The following SPAG9 variants were observed in gnomAD, a reference collection of about 807,000 sequenced individuals.
The protein encoded by SPAG9 is C-Jun-amino-terminal kinase-interacting protein 4.
A neutral mutation model predicts 166.5 loss-of-function variants in SPAG9; 35 were observed. That is an observed-to-expected ratio of 0.21 (90% CI 0.16 to 0.28). The LOEUF (loss-of-function observed/expected upper bound fraction) is 0.28. Among genes scored for constraint, SPAG9 ranks in the 10% least tolerant of loss-of-function variants. The probability of loss-of-function intolerance (pLI) is 1.00; values close to 1 mark genes in which losing one functional copy is unlikely to be tolerated. For missense variants in SPAG9, 1,235 were observed against 1,603.3 expected (o/e 0.77, Z 3.92); for synonymous variants, 534 against 565.5 (o/e 0.94, Z 0.79).
rs1299250539 is a variant in SPAG9, at chr17:50,963,574, G to C, written c.*2698C>G. 6.6e-6 allele frequency: 1 copy of C among 152,116 alleles called. No individual in the cohort carries two copies. The highest frequency in any genetic ancestry group is 1.5e-5 in the Non-Finnish European group (1 of 68,026). The allele number at this position is 152,116 out of a possible 1,614,324, so 9.4% of individuals were successfully genotyped here. On this transcript the variant is annotated 3_prime_UTR_variant, in exon 30 of 30. Transcript: ENST00000262013. ...ACAACTACACACCTATATTACTTAA[G>C]TTAAAGCCAGTAAGTTCAAAAAAAG... is the stretch of plus-strand genomic sequence containing the variant.
At chr17:51,053,785 C>A (rs1410045581) in intron 3 of SPAG9, among the ~76,000 whole-genome samples, 6 of 139,950 alleles carry the variant, frequency 4.3e-5, no homozygotes, top group African/African-American at 1.6e-4. Context: ...CTGCAGTGCG[C>A]TATGACTGCG....
rs917474545 is a variant in SPAG9 at position 50,965,880 on chromosome 17, G to A, written c.*392C>T. Reference sequence around the variant, plus strand: ...GGAAAACTCAGCTATTGTATTTAACGGTACAGTTTCATTTATCAAGTGTTT... The same window carrying A: ...GGAAAACTCAGCTATTGTATTTAACAGTACAGTTTCATTTATCAAGTGTTT... On this transcript the variant is annotated 3_prime_UTR_variant, in exon 30 of 30. Transcript: ENST00000262013. 4.0e-5 allele frequency: 7 copies of A among 175,590 alleles called. No individual in the cohort carries two copies. The highest frequency in any genetic ancestry group is 1.4e-4 in the South Asian group (1 of 7,174). 10.9% of individuals were successfully genotyped at this position (175,590 alleles called of 1,614,324 possible). A position where few individuals can be genotyped will look rare whatever the true frequency, so the allele number is the denominator to read the frequency against.
At chr17:50,988,952 C>A (rs1399142891) in intron 21 of SPAG9, among the ~76,000 whole-genome samples, 1 of 151,876 alleles carries the variant, frequency 6.6e-6, no homozygotes, top group Non-Finnish European at 1.5e-5. Context: ...TAAACAATGG[C>A]CAATTTTGCT....
rs371721966 is a variant in SPAG9 at position 50,996,360 on chromosome 17, C to G, written c.1968+205G>C. The G allele has an allele frequency of 7.0e-6, 4 of 571,164 alleles. No individual in the cohort carries two copies. In the Admixed American group the frequency reaches 9.8e-5, roughly 14 times the overall value. The allele number at this position is 571,164 out of a possible 1,614,324, so 35.4% of individuals were successfully genotyped here. On this transcript the variant is annotated intron_variant, in intron 16 of 29. Coordinates refer to ENST00000262013, the MANE Select transcript of SPAG9 (RefSeq NM_001130528.3). Reference sequence around the variant, plus strand: ...CCACCCTTTATTGACTCCTCCCCCCCTCACAGACTCAGAGCATTTCATTTG... The same window carrying G: ...CCACCCTTTATTGACTCCTCCCCCCGTCACAGACTCAGAGCATTTCATTTG...
chr17:50,997,732 C>T (rs1036465150), intron 15 of SPAG9, among the ~76,000 whole-genome samples: 1 of 152,054 alleles, frequency 6.6e-6, no homozygotes, highest in African/African-American at 2.4e-5. Context: ...AAACTGGGGG[C>T]TCTGAAAGGT....
chr17:51,027,650 T>A (rs887322379), intron 6 of SPAG9, among the ~76,000 whole-genome samples: 1 of 152,088 alleles, frequency 6.6e-6, no homozygotes, highest in Non-Finnish European at 1.5e-5. Context: ...TGTCATAATA[T>A]CCCAGTGCAA....
intron 2 of SPAG9, among the ~76,000 whole-genome samples, chr17:51,073,244 C>T (rs1034741223): frequency 6.6e-6 from 1 of 151,890 alleles, no homozygotes; most frequent in Non-Finnish European, 1.5e-5. Context: ...AGGAGAATGG[C>T]GTGAACCCAG....
intron 1 of SPAG9, 133 bp from the exon 2 acceptor site, chr17:51,079,837 A>G: frequency 1.8e-6 from 1 of 566,334 alleles, no homozygotes; most frequent in Non-Finnish European, 2.9e-6. Context: ...CCTTGGGTTG[A>G]TTTTTAGTTT....
In SPAG9 at chr17:50,985,060, T is replaced by C; in HGVS notation, c.3021-70A>G. 3 of 1,377,192 alleles carry C rather than the reference T, an allele frequency of 2.2e-6. No homozygotes were observed. In the South Asian group the frequency reaches 3.5e-5, roughly 16 times the overall value. 85.3% of individuals were successfully genotyped at this position (1,377,192 alleles called of 1,614,324 possible). A position where few individuals can be genotyped will look rare whatever the true frequency, so the allele number is the denominator to read the frequency against. ...CAGAAGGGACCACATGCTACTGAAC[T>C]AGTTCAAGGCCTCACAAAGGGCCAA... On this transcript the variant is annotated intron_variant, in intron 23 of 29. Transcript: ENST00000262013.
At chr17:51,033,439 G>GA (rs2046464394) in intron 5 of SPAG9, among the ~76,000 whole-genome samples, 1 of 152,110 alleles carries the variant, frequency 6.6e-6, no homozygotes, top group African/African-American at 2.4e-5. Context: ...ATGACTGGGG[G>GA]AAAAAATGAA....
intron 5 of SPAG9, among the ~76,000 whole-genome samples, 193 bp downstream of exon 5, chr17:51,041,308 A>C (rs927497478): frequency 1.3e-5 from 2 of 152,124 alleles, no homozygotes; most frequent in Non-Finnish European, 2.9e-5. Flanking sequence ...TTTTTTTCCT[A>C]TATAATTTGA....
intron 2 of SPAG9, among the ~76,000 whole-genome samples, chr17:51,069,745 G>A (rs892035656): frequency 6.6e-6 from 1 of 152,006 alleles, no homozygotes; most frequent in African/African-American, 2.4e-5. Context: ...ATGTTTCAAA[G>A]TGAAGGCTTG....
At chr17:51,108,590 G>T (rs1005690831) in intron 1 of SPAG9, among the ~76,000 whole-genome samples, 6 of 151,910 alleles carry the variant, frequency 3.9e-5, no homozygotes, top group Non-Finnish European at 8.8e-5. Flanking sequence ...TCAACCTCCT[G>T]GGCTCAAGGG....
At chr17:51,095,322 A>G (rs940795806) in intron 1 of SPAG9, among the ~76,000 whole-genome samples, 9 of 116,396 alleles carry the variant, frequency 7.7e-5, no homozygotes, top group Non-Finnish European at 1.6e-4. Flanking sequence ...AAAAAAAAAA[A>G]GTGGCAGCCA....
rs942827645 is a variant in SPAG9, at chr17:50,990,692, C to T, written c.2399-24G>A. ...ACCTGAAAAATAAATCTTCTTGTAA[C>T]AGCAAAGTAAACTTCTATAAATAAC... On this transcript the variant is annotated intron_variant, in intron 19 of 29. Transcript: ENST00000262013. The T allele has an allele frequency of 5.1e-6, 8 of 1,579,694 alleles. No individual in the cohort carries two copies. The South Asian group carries it at 5.5e-5, about 11-fold the overall frequency.
At chr17:51,016,776 A>G (rs1181073245) in intron 8 of SPAG9, among the ~76,000 whole-genome samples, 1 of 152,274 alleles carries the variant, frequency 6.6e-6, no homozygotes, top group South Asian at 2.1e-4. Flanking sequence ...ATGGTGGCTC[A>G]CGCCTGTAAT....
At chr17:51,114,367 C>T (rs921790852) in intron 1 of SPAG9, among the ~76,000 whole-genome samples, 9 of 151,980 alleles carry the variant, frequency 5.9e-5, no homozygotes, top group African/African-American at 1.7e-4. Flanking sequence ...CATGGTGGCT[C>T]ATGCCTGTAA....
chr17:51,118,810 G>A (rs1452153118), intron 1 of SPAG9, among the ~76,000 whole-genome samples: 3 of 152,148 alleles, frequency 2.0e-5, no homozygotes, highest in Non-Finnish European at 2.9e-5. Context: ...TGGTCAGCCC[G>A]AGGCCAAAGT....
intron 2 of SPAG9, among the ~76,000 whole-genome samples, chr17:51,077,033 T>TATCTAGCTAGCTAGCTAGCTATCTAG (rs1568065402): frequency 2.1e-5 from 2 of 94,484 alleles, no homozygotes; most frequent in East Asian, 2.8e-4. Flanking sequence ...TAGCTATCTA[T>TATCTAGCTAGCTAGCTAGCTATCTAG]CTAGCTATCT....
Sources: gnomAD v4.1 joint callset for allele counts (sites outside exome capture counted in the v4.1 genomes callset) on GRCh38, gnomAD v4.1.1 for gene constraint, MANE v1.5 for transcripts, NCBI Gene and HGNC (gene_info 2026-07-23, HGNC 2026-07-21) for gene names.